The following BRSK2 variants were observed in gnomAD, a reference collection of about 807,000 sequenced individuals.
The protein encoded by BRSK2 is BR serine/threonine kinase 2, also known as serine/threonine-protein kinase BRSK2.
BRSK2 carries 19 observed loss-of-function variants against 83.3 expected under a neutral mutation model. That is an observed-to-expected ratio of 0.23 (90% CI 0.16 to 0.33). BRSK2 has a LOEUF of 0.33. Ranked by LOEUF, BRSK2 falls within the 10% of genes least tolerant of loss-of-function variation. The pLI, the probability that BRSK2 is intolerant of heterozygous loss-of-function variation, is 1.00. For synonymous variants in BRSK2, 519 were observed against 435.4 expected (o/e 1.19, Z -2.39); for missense variants, 798 against 1,042.3 (o/e 0.77, Z 3.23).
Position 1,449,851 on chromosome 11 carries a change from GC to G in BRSK2, c.1287+20del. On this transcript the variant is annotated intron_variant, in intron 13 of 19. Transcript: ENST00000528841. ...GCAGCCCCCGGGTGAGTGACCCCCCGCCCCCACCCAGCTCGGATGCACAGAG... is the reference window on the plus strand; with the variant it reads ...GCAGCCCCCGGGTGAGTGACCCCCCGCCCCACCCAGCTCGGATGCACAGAG... 3 of 1,524,930 alleles carry G rather than the reference GC, an allele frequency of 2.0e-6. No homozygotes were observed. Among genetic ancestry groups the G allele is most frequent in the Non-Finnish European group, 1.8e-6 (2 of 1,128,268 alleles). 94.5% of individuals were successfully genotyped at this position (1,524,930 alleles called of 1,614,324 possible).
At chr11:1,416,752 A>T (rs954590661) in intron 1 of BRSK2, among the ~76,000 whole-genome samples, 3 of 151,998 alleles carry the variant, frequency 2.0e-5, no homozygotes, top group African/African-American at 7.3e-5. Flanking sequence ...GCAGTGACCC[A>T]CCTTGGTGTG....
intron 1 of BRSK2, among the ~76,000 whole-genome samples, chr11:1,418,121 T>C (rs1396868120): frequency 6.9e-6 from 1 of 145,502 alleles, no homozygotes; most frequent in Non-Finnish European, 1.5e-5. Flanking sequence ...CTGTTGGCTG[T>C]TTCTTCTCTT....
At chr11:1,449,965 C>A (rs1845604821) in intron 13 of BRSK2, 129 bp downstream of exon 13, 1 of 638,972 alleles carries the variant, frequency 1.6e-6, no homozygotes, top group African/African-American at 1.8e-5. Flanking sequence ...CATGCCCACG[C>A]TCCTGTGGCG....
At chr11:1,445,526 G>A in intron 10 of BRSK2, 45 bp from the exon 11 acceptor site, 1 of 1,601,348 alleles carries the variant, frequency 6.2e-7, no homozygotes, top group Middle Eastern at 1.7e-4. Flanking sequence ...GGAGGAGCCG[G>A]CGGCCCCGTG....
chr11:1,427,832 G>A (rs575657565), intron 1 of BRSK2, among the ~76,000 whole-genome samples: 3 of 152,310 alleles, frequency 2.0e-5, no homozygotes, highest in East Asian at 1.9e-4. Context: ...TCCAGGCTAC[G>A]GCCCAGTCAG....
chr11:1,435,800 G>C (rs1003078292), intron 1 of BRSK2, among the ~76,000 whole-genome samples: 1 of 151,830 alleles, frequency 6.6e-6, no homozygotes, highest in Non-Finnish European at 1.5e-5. Context: ...GGGGGCCACA[G>C]AGACCTGAGA....
chr11:1,442,479 C>T lies in BRSK2; in HGVS notation c.414-11C>T. ...ACTGGCCCTGTTCAGCCTCACCACC[C>T]TCCTCCCCAGCCACAGGGATCTGAA... is the stretch of plus-strand genomic sequence containing the variant. On this transcript the variant is annotated splice_polypyrimidine_tract_variant and intron_variant, in intron 4 of 19. Coordinates refer to ENST00000528841, the MANE Select transcript of BRSK2 (RefSeq NM_001256627.2). 1 of 1,608,356 alleles carries T rather than the reference C, an allele frequency of 6.2e-7. No individual in the cohort carries two copies. Among genetic ancestry groups the T allele is most frequent in the South Asian group, 1.1e-5 (1 of 90,960 alleles).
chr11:1,425,751 C>T (rs1052824553), intron 1 of BRSK2, among the ~76,000 whole-genome samples: 1 of 152,194 alleles, frequency 6.6e-6, no homozygotes, highest in Non-Finnish European at 1.5e-5. Flanking sequence ...CTTTGGGAAC[C>T]CACCCCCTTC....
In BRSK2 at chr11:1,454,445, C is replaced by T. The variant is rs1336623655; in HGVS notation, c.1545-40C>T. ...AGGGAGGCAGGGGTGTGGACGGTGC[C>T]ACACCTCAATCCTCACAGCCTCTGT... is the stretch of plus-strand genomic sequence containing the variant. On this transcript the variant is annotated intron_variant, in intron 15 of 19. Transcript: ENST00000528841. This position sits in a 1 kb window ranked among gnomAD's most constrained non-coding sequence, Gnocchi z 5.2. The T allele has an allele frequency of 5.6e-6, 9 of 1,610,770 alleles. No homozygotes were observed. The South Asian group carries it at 6.6e-5, about 12-fold the overall frequency.
Position 1,423,779 on chromosome 11 carries a change from C to T in BRSK2, c.92-12261C>T, listed in dbSNP as rs1242333155. 6.8e-6 allele frequency among the ~76,000 whole-genome samples: 1 copy of T among 146,092 alleles called. No homozygotes were observed. Among genetic ancestry groups the T allele is most frequent in the Non-Finnish European group, 1.5e-5 (1 of 65,986 alleles). ...GGTGCCCCAGGCCTCCCCCGCTGGG[C>T]GTTCCGGGTGCCCCAGGCCTCCCCC... On this transcript the variant is annotated intron_variant, in intron 1 of 19. Coordinates refer to ENST00000528841, the MANE Select transcript of BRSK2 (RefSeq NM_001256627.2). The surrounding 1 kb of genome is among the most constrained non-coding windows in gnomAD (Gnocchi z 6.5).
chr11:1,459,846 C>T (rs1184952892), intron 19 of BRSK2, among the ~76,000 whole-genome samples: 7 of 152,190 alleles, frequency 4.6e-5, no homozygotes, highest in African/African-American at 1.4e-4. Context: ...TGCTTGTCCA[C>T]CCATCTGTTC....
intron 1 of BRSK2, among the ~76,000 whole-genome samples, chr11:1,396,775 G>A (rs369454456): frequency 6.6e-5 from 10 of 152,198 alleles, no homozygotes; most frequent in East Asian, 5.8e-4. Flanking sequence ...GCTGGTCCCC[G>A]TGACTGCCGG....
intron 1 of BRSK2, among the ~76,000 whole-genome samples, chr11:1,429,116 GGT>G (rs1209911081): frequency 6.7e-6 from 1 of 148,724 alleles, no homozygotes; most frequent in Non-Finnish European, 1.5e-5. Flanking sequence ...TCGGTGTGTG[GGT>G]GTGTGCACTG....
rs1378295904 is a variant in BRSK2 at position 1,422,455 on chromosome 11, G to A, written c.92-13585G>A. ...GGGGCCGAGGCTGGCTCAGGATGCC[G>A]GAGGCTCTGCGGTGGGCCCTGGCGA... On this transcript the variant is annotated intron_variant, in intron 1 of 19. Transcript: ENST00000528841. 5.9e-5 allele frequency among the ~76,000 whole-genome samples: 9 copies of A among 152,160 alleles called. No individual in the cohort carries two copies. In the East Asian group the frequency reaches 1.2e-3, roughly 20 times the overall value.
rs9795439 is a variant in BRSK2, at chr11:1,462,313, A to G, written c.*1590A>G. ...AGCCCGGGTGCGGCGGCCGTGGGGGACGGCGGGTCTGATGCATGCCTCTGC... is the reference window on the plus strand; with the variant it reads ...AGCCCGGGTGCGGCGGCCGTGGGGGGCGGCGGGTCTGATGCATGCCTCTGC... On this transcript the variant is annotated 3_prime_UTR_variant, in exon 20 of 20. Transcript: ENST00000528841. The G allele has an allele frequency of 0.8, 121,447 of 152,176 alleles. 48,975 individuals carry two copies. The highest frequency in any genetic ancestry group is 0.85 in the African/African-American group (35,387 of 41,530). 9.4% of individuals were successfully genotyped at this position (152,176 alleles called of 1,614,324 possible). A position where few individuals can be genotyped will look rare whatever the true frequency, so the allele number is the denominator to read the frequency against.
chr11:1,425,391 C>G (rs1181078044), intron 1 of BRSK2, among the ~76,000 whole-genome samples: 1 of 152,198 alleles, frequency 6.6e-6, no homozygotes, highest in Non-Finnish European at 1.5e-5. Context: ...GCCCACTGAG[C>G]TCCCCAGAGT....
chr11:1,440,948 GC>G lies in BRSK2; in HGVS notation c.413+26del. On this transcript the variant is annotated intron_variant, in intron 4 of 19. Transcript: ENST00000528841. ...CATATGGTGAGGCCCCACCCCTGGT[GC>G]CCCCCACTCCCCAGGGACCCCCACA... 3.8e-6 allele frequency: 6 copies of G among 1,598,632 alleles called. No individual in the cohort carries two copies. Among genetic ancestry groups the G allele is most frequent in the Non-Finnish European group, 4.3e-6 (5 of 1,173,702 alleles).
In BRSK2 at chr11:1,446,003, G is replaced by A. The variant is rs1043674632; in HGVS notation, c.1226+96G>A. 5.4e-5 allele frequency: 78 copies of A among 1,451,442 alleles called. No individual in the cohort carries two copies. In the African/African-American group the frequency reaches 7.2e-4, roughly 13 times the overall value. 89.9% of individuals were successfully genotyped at this position (1,451,442 alleles called of 1,614,324 possible). Reference sequence around the variant, plus strand: ...TCGCTACCCATTGGCCTGGGGTCTCGGCTGAGGCCATTGGGTGGGGCTGTA... The same window carrying A: ...TCGCTACCCATTGGCCTGGGGTCTCAGCTGAGGCCATTGGGTGGGGCTGTA... On this transcript the variant is annotated intron_variant, in intron 12 of 19. Transcript: ENST00000528841.
chr11:1,452,138 C>T lies in BRSK2; in HGVS notation c.1544+719C>T, dbSNP rs111870707. Among the ~76,000 whole-genome samples, 457 of 152,254 alleles carry T rather than the reference C, an allele frequency of 3.0e-3. 4 individuals are homozygous for T. Among genetic ancestry groups the T allele is most frequent in the African/African-American group, 0.01 (434 of 41,540 alleles). On this transcript the variant is annotated intron_variant, in intron 15 of 19. Coordinates refer to ENST00000528841, the MANE Select transcript of BRSK2 (RefSeq NM_001256627.2). ...GCTGGAGTCACTTCACAGGAGACCC[C>T]GGGAAATGAAGATGTGGCCAGCTGT... is the stretch of plus-strand genomic sequence containing the variant.
Sources: allele counts gnomAD v4.1 joint callset (sites outside exome capture counted in the v4.1 genomes callset), GRCh38; gene constraint gnomAD v4.1.1; non-coding constraint Gnocchi (gnomAD v3.1); transcripts MANE v1.5; gene names NCBI Gene and HGNC (gene_info 2026-07-23, HGNC 2026-07-21).